The following NOS2 variants were observed in gnomAD, a reference collection of about 807,000 sequenced individuals.
NOS2 encodes the protein nitric oxide synthase, inducible.
In NOS2, 96 loss-of-function variants were observed where a neutral mutation model predicts 136.0. That is an observed-to-expected ratio of 0.71 (90% CI 0.60 to 0.84). The LOEUF is 0.84. NOS2 is among the 40% of genes least tolerant of loss of function. The pLI is 0.00. For missense variants in NOS2, 1,237 were observed against 1,496.9 expected, an observed-to-expected ratio of 0.83 and a Z score of 2.87; for synonymous variants, 539 against 587.5, an observed-to-expected ratio of 0.92 and a Z score of 1.20.
chr17:27,762,552 G>T (rs1350259133), intron 22 of NOS2, among the ~76,000 whole-genome samples: 3 of 152,170 alleles, frequency 2.0e-5, no homozygotes, highest in East Asian at 3.8e-4. Flanking sequence ...GTGACTTTCT[G>T]TGCCACCTGT....
intron 24 of NOS2, 56 bp from the exon 25 acceptor site, chr17:27,760,234 C>T (rs1908074777): frequency 2.7e-6 from 4 of 1,483,324 alleles, no homozygotes; most frequent in Non-Finnish European, 3.6e-6. Flanking sequence ...CGCCAGGGCT[C>T]CAAGCCCAAC....
chr17:27,776,548 CT>C (rs1402831570), intron 11 of NOS2, among the ~76,000 whole-genome samples: 3 of 151,994 alleles, frequency 2.0e-5, no homozygotes, highest in Non-Finnish European at 4.4e-5. Flanking sequence ...TGGTGCAATC[CT>C]GTAATCCCAG....
chr17:27,797,756 T>C (rs1389509610), intron 2 of NOS2, among the ~76,000 whole-genome samples: 1 of 152,202 alleles, frequency 6.6e-6, no homozygotes, highest in Non-Finnish European at 1.5e-5. Context: ...GCCTGTCCCT[T>C]GACTTGTTCA....
At chr17:27,785,783 C>T (rs935885793) in intron 5 of NOS2, among the ~76,000 whole-genome samples, 1 of 151,544 alleles carries the variant, frequency 6.6e-6, no homozygotes, top group South Asian at 2.1e-4. Context: ...CATAGTGAGA[C>T]CCTGTCTCTA....
rs373770638 is a variant in NOS2, at chr17:27,762,819, C to T, written c.2779G>A (p.Val927Met). ...TCACCTCGGGTGTGGTAGGTGACCA[C>T]GGCCACAGTCAGGTGGATCTCTGTG... ...TPTEIHLTVA[V>M]VTYHTRDGQG... Residue 927 changes from valine (V) to methionine (M), a missense_variant, in exon 22 of 27, where the codon GTG (valine) becomes ATG (methionine). Val to Met is a conservative substitution (Grantham distance 21, BLOSUM62 1). This residue lies in a region of NOS2 where 782 missense variants were observed against 909.9 expected (regional missense o/e 0.86). Coordinates refer to ENST00000313735, the MANE Select transcript of NOS2 (RefSeq NM_000625.4). The T allele has an allele frequency of 1.5e-5, 23 of 1,553,694 alleles. No individual in the cohort carries two copies. The highest frequency in any genetic ancestry group is 1.2e-4 in the African/African-American group (9 of 73,458).
At chr17:27,766,285 T>A (rs1262338983) in intron 19 of NOS2, among the ~76,000 whole-genome samples, 13 of 152,182 alleles carry the variant, frequency 8.5e-5, no homozygotes, top group Non-Finnish European at 1.5e-5. Context: ...GTGGAGCAGA[T>A]GCTTAGAGTC....
rs28944173 is a variant in NOS2 at position 27,766,517 on chromosome 17, T to C, written c.2239A>G (p.Thr747Ala). The C allele has an allele frequency of 6.1e-4, 981 of 1,613,818 alleles. 9 individuals carry two copies. In the East Asian group the frequency reaches 0.021, roughly 34 times the overall value. Residue 747 changes from threonine (T) to alanine (A), a missense_variant, in exon 19 of 27, where the codon ACA becomes GCA. Around this residue, in one of 3 missense-constraint regions of NOS2, gnomAD observed 782 missense variants for 909.9 expected, o/e 0.86. Coordinates refer to ENST00000313735, the MANE Select transcript of NOS2 (RefSeq NM_000625.4). ...CCCTGCACTTTCCCTTACCTGGATG[T>C]CGGACTTTGTAGATTCTGCCGAGAT... is the stretch of plus-strand genomic sequence containing the variant. ...LKSRQNLQSP[T>A]SSRATILVEL...
chr17:27,772,489 G>T (rs202063538), intron 13 of NOS2, 37 bp from the exon 14 acceptor site: 1 of 1,608,232 alleles, frequency 6.2e-7, no homozygotes, highest in South Asian at 1.1e-5. Context: ...GCTGTGTGCT[G>T]AGTCAGCCTT....
intron 2 of NOS2, among the ~76,000 whole-genome samples, chr17:27,791,009 T>G (rs995362818): frequency 6.6e-6 from 1 of 152,236 alleles, no homozygotes; most frequent in Non-Finnish European, 1.5e-5. Flanking sequence ...CTACTTGATA[T>G]GTATCTATGA....
At chr17:27,787,971 T>G (rs1246398686) in intron 4 of NOS2, 145 bp from the exon 5 acceptor site, 6 of 793,944 alleles carry the variant, frequency 7.6e-6, no homozygotes, top group Non-Finnish European at 1.2e-5. Flanking sequence ...ACCTCCTCCT[T>G]GGGGTCCACC....
In NOS2 at chr17:27,769,520, C is replaced by T. The variant is rs200714803; in HGVS notation, c.1859+15G>A. ...CAGGGCAGGGCTAGGAGTAGGACAACGGAAAAAGCTTTACCTGAATTTGTT... is the reference window on the plus strand; with the variant it reads ...CAGGGCAGGGCTAGGAGTAGGACAATGGAAAAAGCTTTACCTGAATTTGTT... On this transcript the variant is annotated intron_variant, in intron 16 of 26. Coordinates refer to ENST00000313735, the MANE Select transcript of NOS2 (RefSeq NM_000625.4). 2.6e-4 allele frequency: 425 copies of T among 1,611,312 alleles called. 2 individuals carry two copies. The highest frequency in any genetic ancestry group is 2.5e-3 in the African/African-American group (190 of 74,968).
intron 12 of NOS2, 99 bp downstream of exon 12, chr17:27,774,158 C>T (rs1372296265): frequency 5.8e-6 from 5 of 867,366 alleles, no homozygotes; most frequent in South Asian, 7.8e-5. Flanking sequence ...TCCTGCTTCC[C>T]GTCGTGCCCT....
chr17:27,782,919 C>G, intron 6 of NOS2, 25 bp downstream of exon 6: 1 of 1,612,110 alleles, frequency 6.2e-7, no homozygotes, highest in Non-Finnish European at 8.5e-7. Flanking sequence ...CCAGCTCTCT[C>G]CCGCTCAAGT....
In NOS2 at chr17:27,795,088, A is replaced by G. The variant is rs559187607; in HGVS notation, c.110+3612T>C. On this transcript the variant is annotated intron_variant, in intron 2 of 26. Coordinates refer to ENST00000313735, the MANE Select transcript of NOS2 (RefSeq NM_000625.4). ...CACCCACAACTACGACCTCCTGTCT[A>G]CACTCCATCCCACCTACTCCTGACA... 3.8e-4 allele frequency among the ~76,000 whole-genome samples: 58 copies of G among 152,146 alleles called. 3 individuals carry two copies. The South Asian group carries it at 0.012, about 32-fold the overall frequency.
intron 2 of NOS2, chr17:27,793,693 A>T: frequency 2.5e-6 from 1 of 395,254 alleles, no homozygotes. Flanking sequence ...CCCCTCGCGC[A>T]TGGCCCGGCT....
chr17:27,791,855 C>T (rs1158345995), intron 2 of NOS2, among the ~76,000 whole-genome samples: 2 of 151,212 alleles, frequency 1.3e-5, no homozygotes, highest in Non-Finnish European at 2.9e-5. Flanking sequence ...TAAGCCATGG[C>T]TGAGCAGTCA....
chr17:27,769,459 C>T lies in NOS2; in HGVS notation c.1859+76G>A. Reference sequence around the variant, plus strand: ...GTTCTGAGAAGACCCCCTGTGCACACCCAGTTCCATCCCCTGAACCCAGAC... The same window carrying T: ...GTTCTGAGAAGACCCCCTGTGCACATCCAGTTCCATCCCCTGAACCCAGAC... On this transcript the variant is annotated intron_variant, in intron 16 of 26. Transcript: ENST00000313735. 10 of 1,275,410 alleles carry T rather than the reference C, an allele frequency of 7.8e-6. No homozygotes were observed. In the South Asian group the frequency reaches 8.4e-5, roughly 11 times the overall value. The allele number at this position is 1,275,410 out of a possible 1,614,324, so 79.0% of individuals were successfully genotyped here. A position where few individuals can be genotyped will look rare whatever the true frequency, so the allele number is the denominator to read the frequency against.
At position 27,782,005 on chromosome 17, in the gene NOS2, G is replaced by A. The variant is rs748817408; in HGVS notation, c.722+10C>T. ...AAGCCCCTCTGCAGCCCTGGGAAAT[G>A]TGCACCGACCTGATGTTGCCATTGT... On this transcript the variant is annotated intron_variant, in intron 7 of 26. Transcript: ENST00000313735. The A allele has an allele frequency of 5.5e-5, 88 of 1,612,532 alleles. 1 individual carries two copies. Among genetic ancestry groups the A allele is most frequent in the Middle Eastern group, 3.3e-4 (2 of 6,076 alleles).
chr17:27,782,861 C>T, intron 6 of NOS2, 83 bp downstream of exon 6: 15 of 1,407,888 alleles, frequency 1.1e-5, no homozygotes, highest in Non-Finnish European at 1.5e-5. Context: ...GGCCTGGGCA[C>T]AGCTCTGTGT....
Sources: allele counts gnomAD v4.1 joint callset (sites outside exome capture counted in the v4.1 genomes callset), GRCh38; gene constraint gnomAD v4.1.1; regional missense constraint gnomAD v4.1.1; transcripts MANE v1.5; gene names NCBI Gene and HGNC (gene_info 2026-07-23, HGNC 2026-07-21).